The following PAM variants were observed in gnomAD, a reference collection of about 807,000 sequenced individuals.
PAM encodes the protein peptidylglycine alpha-amidating monooxygenase.
A neutral mutation model predicts 122.1 loss-of-function variants in PAM; 72 were observed. That is an observed-to-expected ratio of 0.59 (90% CI 0.49 to 0.72). The LOEUF is 0.72. PAM is among the 30% of genes least tolerant of loss of function. PAM has a pLI of 0.00. For missense variants in PAM, 1,106 were observed against 1,183.7 expected, an observed-to-expected ratio of 0.93 and a Z score of 0.96; for synonymous variants, 389 against 404.4, an observed-to-expected ratio of 0.96 and a Z score of 0.46.
intron 4 of PAM, among the ~76,000 whole-genome samples, chr5:102,904,069 C>T (rs1000286218): frequency 2.0e-5 from 3 of 151,398 alleles, no homozygotes; most frequent in Non-Finnish European, 1.5e-5. Flanking sequence ...TTTCCAGACT[C>T]CCAAAGTGAA....
chr5:102,989,796 T>TTAGATAGACAGATAGA (rs148767388), intron 15 of PAM: 3 of 147,856 alleles, frequency 2.0e-5, no homozygotes, highest in African/African-American at 7.6e-5. Flanking sequence ...AGATGATAGA[T>TTAGATAGACAGATAGA]TAGATAGATA....
chr5:102,946,470 A>G (rs1757069673), intron 7 of PAM, among the ~76,000 whole-genome samples: 1 of 151,496 alleles, frequency 6.6e-6, no homozygotes, highest in Non-Finnish European at 1.5e-5. Context: ...TTGGTGCAGC[A>G]TGGAGCAAAC....
intron 15 of PAM, chr5:102,989,796 T>TTAGATAGATAGATAGA (rs60200674): frequency 0.1 from 15,103 of 147,844 alleles, 914 homozygotes; most frequent in East Asian, 0.16. Flanking sequence ...AGATGATAGA[T>TTAGATAGATAGATAGA]TAGATAGATA....
intron 15 of PAM, among the ~76,000 whole-genome samples, chr5:102,978,003 T>G (rs1395475383): frequency 6.6e-6 from 1 of 152,204 alleles, no homozygotes; most frequent in Non-Finnish European, 1.5e-5. Context: ...AGAAAGCATT[T>G]GAAAATGTTA....
In PAM at chr5:102,800,159, G is replaced by A. The variant is rs535879784; in HGVS notation, c.-374+44811G>A. Among the ~76,000 whole-genome samples, 212 of 152,260 alleles carry A rather than the reference G, an allele frequency of 1.4e-3. 1 individual carries two copies. Among genetic ancestry groups the A allele is most frequent in the African/African-American group, 5.0e-3 (206 of 41,564 alleles). ...CCTTAAACATTCTAAGCTAATTTCTGTCTTGGGACCTTTGTTCTTGCTGCT... is the reference window on the plus strand; with the variant it reads ...CCTTAAACATTCTAAGCTAATTTCTATCTTGGGACCTTTGTTCTTGCTGCT... On this transcript the variant is annotated intron_variant, in intron 1 of 25. Transcript: ENST00000438793.
intron 1 of PAM, among the ~76,000 whole-genome samples, chr5:102,845,332 T>C (rs1779709133): frequency 6.6e-6 from 1 of 152,200 alleles, no homozygotes; most frequent in Non-Finnish European, 1.5e-5. Context: ...ATATGCTTTA[T>C]TTATATACAC....
chr5:102,997,392 C>G (rs974375372), intron 16 of PAM, among the ~76,000 whole-genome samples: 1 of 151,962 alleles, frequency 6.6e-6, no homozygotes, highest in Non-Finnish European at 1.5e-5. Context: ...TGGTGTGCAC[C>G]TGTGGTCCCA....
At chr5:102,785,732 A>G (rs573506495) in intron 1 of PAM, among the ~76,000 whole-genome samples, 8 of 152,304 alleles carry the variant, frequency 5.3e-5, no homozygotes, top group African/African-American at 1.9e-4. Context: ...CCATAAAAGT[A>G]TTGAATATAA....
intron 1 of PAM, among the ~76,000 whole-genome samples, chr5:102,839,462 G>A (rs1004504317): frequency 8.6e-5 from 13 of 151,586 alleles, no homozygotes; most frequent in African/African-American, 2.2e-4. Flanking sequence ...ACTTGAGCCC[G>A]GGAGGTGGAG....
At chr5:102,900,222 T>C (rs1346614914) in intron 3 of PAM, among the ~76,000 whole-genome samples, 2 of 129,186 alleles carry the variant, frequency 1.5e-5, no homozygotes, top group Non-Finnish European at 3.2e-5. Flanking sequence ...ACTGTGCTAA[T>C]GTGTTTCTTC....
rs545022864 is a variant in PAM, at chr5:102,949,747, T to G, written c.724+130T>G. ...TGATTTCATATAAGACCTTGAAATA[T>G]TTTATGCTGTTTTATCATATTGTTT... is the stretch of plus-strand genomic sequence containing the variant. On this transcript the variant is annotated intron_variant, in intron 10 of 25. Coordinates refer to ENST00000438793, the MANE Select transcript of PAM (RefSeq NM_001177306.2). The G allele has an allele frequency of 7.3e-6, 5 of 687,694 alleles. No individual in the cohort carries two copies. The South Asian group carries it at 8.8e-5, about 12-fold the overall frequency. 42.6% of individuals were successfully genotyped at this position (687,694 alleles called of 1,614,324 possible). A position where few individuals can be genotyped will look rare whatever the true frequency, so the allele number is the denominator to read the frequency against.
intron 3 of PAM, among the ~76,000 whole-genome samples, chr5:102,871,622 T>C (rs942422830): frequency 6.6e-6 from 1 of 150,404 alleles, no homozygotes; most frequent in East Asian, 1.9e-4. Flanking sequence ...GAAATTCTTA[T>C]ACATCTTTAT....
intron 1 of PAM, among the ~76,000 whole-genome samples, chr5:102,825,067 C>T (rs1212895064): frequency 6.6e-6 from 1 of 152,300 alleles, no homozygotes; most frequent in East Asian, 1.9e-4. Context: ...TACCTGAGCA[C>T]TAATGTTATG....
intron 7 of PAM, among the ~76,000 whole-genome samples, chr5:102,941,833 CAAAAAAAAAAAAAA>C (rs70990420): frequency 5.1e-5 from 3 of 58,382 alleles, no homozygotes; most frequent in Non-Finnish European, 6.3e-5. Context: ...CCAGATGGTA[CAAAAAAAAAAAAAA>C]AAAAAAAAAA....
At chr5:102,919,119 A>G (rs1296737257) in intron 5 of PAM, among the ~76,000 whole-genome samples, 2 of 152,110 alleles carry the variant, frequency 1.3e-5, no homozygotes, top group Non-Finnish European at 2.9e-5. Context: ...CTAAAGCAGT[A>G]GTGCTTTACC....
chr5:102,804,979 G>A (rs1242521099), intron 1 of PAM, among the ~76,000 whole-genome samples: 1 of 151,652 alleles, frequency 6.6e-6, no homozygotes, highest in Non-Finnish European at 1.5e-5. Context: ...AGAGAGATGA[G>A]ATTTATAATA....
intron 1 of PAM, among the ~76,000 whole-genome samples, chr5:102,826,342 A>G (rs1179268927): frequency 6.6e-6 from 1 of 152,206 alleles, no homozygotes; most frequent in Non-Finnish European, 1.5e-5. Context: ...TTTGAGCTTT[A>G]TGATTCAAGG....
chr5:102,826,460 A>G (rs190530211), intron 1 of PAM, among the ~76,000 whole-genome samples: 7 of 152,318 alleles, frequency 4.6e-5, no homozygotes, highest in African/African-American at 1.7e-4. Flanking sequence ...GTATAAAACA[A>G]CCGAGGAGCT....
intron 24 of PAM, 151 bp downstream of exon 24, chr5:103,025,485 C>T: frequency 1.5e-6 from 1 of 682,646 alleles, no homozygotes; most frequent in South Asian, 1.7e-5. Flanking sequence ...TGTCTATGTT[C>T]CAAATATTGC....
Sources: gnomAD v4.1 joint callset for allele counts (sites outside exome capture counted in the v4.1 genomes callset) on GRCh38, gnomAD v4.1.1 for gene constraint, MANE v1.5 for transcripts, NCBI Gene and HGNC (gene_info 2026-07-23, HGNC 2026-07-21) for gene names.